MYO3A: variants seen among roughly 807,000 people sequenced by gnomAD.
MYO3A encodes myosin IIIA, also known as myosin-IIIa.
Under a neutral mutation model 192.7 loss-of-function variants are expected in MYO3A, and 180 were observed. That is an observed-to-expected ratio of 0.93 (90% confidence interval 0.83 to 1.06). The LOEUF (loss-of-function observed/expected upper bound fraction) is 1.06, where lower values mean the gene tolerates loss of function less well. MYO3A is among the 50% of genes least tolerant of loss of function. MYO3A has a pLI of 0.00. For missense variants in MYO3A, 1,896 were observed against 1,905.0 expected (o/e 1.00, Z 0.09); for synonymous variants, 628 against 645.3 (o/e 0.97, Z 0.41).
chr10:26,004,636 T>G (rs897737383), intron 6 of MYO3A, among the ~76,000 whole-genome samples: 5 of 152,176 alleles, frequency 3.3e-5, no homozygotes, highest in African/African-American at 1.2e-4. Context: ...CTCCATGAGA[T>G]GACCCTGGAA....
intron 2 of MYO3A, among the ~76,000 whole-genome samples, chr10:25,942,285 A>G (rs959440022): frequency 1.6e-4 from 25 of 152,302 alleles, no homozygotes; most frequent in African/African-American, 6.0e-4. Context: ...TACAGGCATG[A>G]ACCACCGCGT....
intron 10 of MYO3A, among the ~76,000 whole-genome samples, chr10:26,033,514 C>G (rs1440016241): frequency 3.3e-5 from 5 of 152,182 alleles, no homozygotes; most frequent in African/African-American, 7.2e-5. Flanking sequence ...CGATCCCACT[C>G]AACACCAATT....
intron 12 of MYO3A, among the ~76,000 whole-genome samples, chr10:26,069,599 A>G (rs1048875646): frequency 6.6e-6 from 1 of 152,064 alleles, no homozygotes; most frequent in East Asian, 1.9e-4. Flanking sequence ...CAGTAAATTT[A>G]TGAGCCTTGA....
chr10:26,019,255 ATTTATTTATTTATTT>A (rs1424277893), intron 7 of MYO3A, among the ~76,000 whole-genome samples: 1 of 55,310 alleles, frequency 1.8e-5, no homozygotes, highest in Non-Finnish European at 4.4e-5. Context: ...TTATTTATTT[ATTTATTTATTTATTT>A]TTTCCTGAGA....
At chr10:25,954,846 T>C (rs1270594621) in intron 3 of MYO3A, 28 bp from the exon 4 acceptor site, 1 of 1,604,964 alleles carries the variant, frequency 6.2e-7, no homozygotes. Flanking sequence ...TTTCTCACAG[T>C]TCTATTCTTA....
chr10:26,138,954 C>T (rs1413628500), intron 20 of MYO3A, among the ~76,000 whole-genome samples: 3 of 152,186 alleles, frequency 2.0e-5, no homozygotes, highest in African/African-American at 4.8e-5. Context: ...TGGAGCCTTT[C>T]CCTTCATTTA....
chr10:26,174,254 A>T lies in MYO3A; in HGVS notation c.3990A>T (p.Thr1330=). The change falls in exon 30 of 35, where the codon ACA becomes ACT. Residue 1330 remains threonine, a synonymous_variant. Coordinates refer to ENST00000642920, the MANE Select transcript of MYO3A (RefSeq NM_017433.5). The part of the protein sequence containing the change: ...EEGRGRLRHE[T]VKERQVEPVT... ...GCAGAGGCCGTCTGAGGCATGAGAC[A>T]GTCAAAGAGAGGCAAGTTGAACCAG... 6.2e-7 allele frequency: 1 copy of T among 1,614,048 alleles called. No individual in the cohort carries two copies. Among genetic ancestry groups the T allele is most frequent in the Non-Finnish European group, 8.5e-7 (1 of 1,179,948 alleles).
intron 31 of MYO3A, among the ~76,000 whole-genome samples, chr10:26,178,092 G>T (rs1842420713): frequency 6.6e-6 from 1 of 152,232 alleles, no homozygotes; most frequent in East Asian, 1.9e-4. Flanking sequence ...TGCTGCAATG[G>T]CCTGTGCCCA....
chr10:26,137,227 C>G (rs1197077334), intron 20 of MYO3A, among the ~76,000 whole-genome samples: 1 of 152,026 alleles, frequency 6.6e-6, no homozygotes, highest in Non-Finnish European at 1.5e-5. Flanking sequence ...TTAAATTATT[C>G]CAGACATGGG....
chr10:26,201,331 C>T, intron 33 of MYO3A, 26 bp downstream of exon 33: 1 of 1,520,020 alleles, frequency 6.6e-7, no homozygotes, highest in Non-Finnish European at 9.0e-7. Flanking sequence ...GGATTTCAAT[C>T]AGTCATCTTA....
At chr10:26,024,295 C>T (rs1246965435) in intron 9 of MYO3A, among the ~76,000 whole-genome samples, 1 of 152,164 alleles carries the variant, frequency 6.6e-6, no homozygotes, top group Non-Finnish European at 1.5e-5. Context: ...TGATCAATAG[C>T]TATGCTTCTG....
intron 29 of MYO3A, 104 bp downstream of exon 29, chr10:26,170,643 G>A: frequency 8.0e-7 from 1 of 1,247,470 alleles, no homozygotes; most frequent in Non-Finnish European, 1.1e-6. Flanking sequence ...TCAGGTTCCT[G>A]ATACTGACAC....
intron 17 of MYO3A, among the ~76,000 whole-genome samples, chr10:26,110,814 G>C (rs1197897900): frequency 1.3e-5 from 2 of 151,940 alleles, no homozygotes; most frequent in Admixed American, 1.3e-4. Flanking sequence ...GTAGGACCTG[G>C]AGTCAGAGAT....
intron 17 of MYO3A, 135 bp from the exon 18 acceptor site, chr10:26,120,541 A>G (rs756895224): frequency 1.4e-5 from 16 of 1,138,090 alleles, no homozygotes; most frequent in Non-Finnish European, 2.1e-5. Context: ...CTTGGATCTC[A>G]GTGTGGCGTC....
At chr10:25,984,122 A>G (rs1358099608) in intron 4 of MYO3A, among the ~76,000 whole-genome samples, 2 of 152,216 alleles carry the variant, frequency 1.3e-5, no homozygotes, top group Non-Finnish European at 2.9e-5. Flanking sequence ...CTAAATCTTG[A>G]AACAAATCCT....
intron 20 of MYO3A, among the ~76,000 whole-genome samples, chr10:26,136,315 C>T (rs1271638146): frequency 6.6e-6 from 1 of 152,194 alleles, no homozygotes; most frequent in African/African-American, 2.4e-5. Flanking sequence ...ATTAACATTT[C>T]CCCATTCTGA....
At chr10:26,130,502 T>C (rs986687864) in intron 20 of MYO3A, among the ~76,000 whole-genome samples, 18 of 152,208 alleles carry the variant, frequency 1.2e-4, no homozygotes, top group African/African-American at 4.3e-4. Context: ...AAACTTATTC[T>C]ATAAAGCCCT....
intron 4 of MYO3A, among the ~76,000 whole-genome samples, chr10:25,966,825 C>G (rs1186757393): frequency 2.0e-5 from 3 of 152,156 alleles, no homozygotes; most frequent in African/African-American, 4.8e-5. Flanking sequence ...CTGGTCATGA[C>G]AGACCAGGTA....
intron 31 of MYO3A, among the ~76,000 whole-genome samples, chr10:26,178,100 C>T (rs1362632128): frequency 6.6e-6 from 1 of 152,180 alleles, no homozygotes; most frequent in Non-Finnish European, 1.5e-5. Context: ...TGGCCTGTGC[C>T]CAGGAGGCAT....
Sources: allele counts gnomAD v4.1 joint callset (sites outside exome capture counted in the v4.1 genomes callset), GRCh38; gene constraint gnomAD v4.1.1; transcripts MANE v1.5; gene names NCBI Gene and HGNC (gene_info 2026-07-23, HGNC 2026-07-21).